Variants in PHF24 observed in about 807,000 individuals in gnomAD.
The protein encoded by PHF24 is Galpha inhibitory interacting protein.
A neutral mutation model predicts 42.6 loss-of-function variants in PHF24; 25 were observed. The ratio of observed to expected loss-of-function variants is 0.59; its 90% CI spans 0.43 to 0.82. The LOEUF is 0.82. Ranked by LOEUF, PHF24 falls within the 40% of genes least tolerant of loss-of-function variation. The probability of loss-of-function intolerance (pLI) is 0.00; values close to 1 mark genes in which losing one functional copy is unlikely to be tolerated. For missense variants in PHF24, 470 were observed against 538.1 expected (o/e 0.87, Z 1.25); for synonymous variants, 185 against 204.8 (o/e 0.90, Z 0.83).
chr9:34,920,970 C>G, the PHF24 span, among the ~76,000 whole-genome samples: 2 of 152,054 alleles, frequency 1.3e-5, no homozygotes, highest in Admixed American at 1.3e-4. Flanking sequence ...TTTTTCCTTT[C>G]TTTGGGTGCC....
chr9:34,857,509 G>T, the PHF24 span, among the ~76,000 whole-genome samples: 1 of 152,152 alleles, frequency 6.6e-6, no homozygotes, highest in Admixed American at 6.5e-5. Flanking sequence ...CCCAGGCAGG[G>T]TCACACAATC....
chr9:34,872,134 T>C, the PHF24 span, among the ~76,000 whole-genome samples: 1 of 152,074 alleles, frequency 6.6e-6, no homozygotes, highest in Non-Finnish European at 1.5e-5. Context: ...TTTATACCTA[T>C]GTATTTCTTT....
chr9:34,965,607 G>T (rs1330674687), intron 1 of PHF24, among the ~76,000 whole-genome samples: 1 of 152,244 alleles, frequency 6.6e-6, no homozygotes, highest in Non-Finnish European at 1.5e-5. Flanking sequence ...CAATGACATA[G>T]TTGACCATGG....
chr9:34,865,195 A>C, the PHF24 span, among the ~76,000 whole-genome samples: 2 of 104,870 alleles, frequency 1.9e-5, no homozygotes, highest in Admixed American at 2.1e-4. Context: ...AGTTTTTATT[A>C]GTTTTTTTTT....
chr9:34,801,502 C>T, the PHF24 span, among the ~76,000 whole-genome samples: 26 of 152,082 alleles, frequency 1.7e-4, no homozygotes, highest in Non-Finnish European at 3.2e-4. Flanking sequence ...CTGAGGTGGG[C>T]GGATCACGAG....
At chr9:34,980,875 T>G (rs1359165800) in exon 8 of PHF24, 2 of 152,232 alleles carry the variant, frequency 1.3e-5, no homozygotes, top group African/African-American at 4.8e-5. Context: ...CCACTTGCCC[T>G]AAGCATTTTT....
chr9:34,682,639 A>G, the PHF24 span, among the ~76,000 whole-genome samples: 2 of 152,072 alleles, frequency 1.3e-5, no homozygotes, highest in Non-Finnish European at 2.9e-5. Context: ...GAAACTTCCT[A>G]TTATATTACT....
chr9:34,665,916 T>G, the PHF24 span: 1 of 545,506 alleles, frequency 1.8e-6, no homozygotes, highest in South Asian at 2.1e-5. Context: ...GCGAGAGGTT[T>G]GGCGGTCATG....
At chr9:34,676,832 A>G in the PHF24 span, among the ~76,000 whole-genome samples, 1 of 152,230 alleles carries the variant, frequency 6.6e-6, no homozygotes, top group South Asian at 2.1e-4. Flanking sequence ...AAACAGAGGG[A>G]GATGCCACAC....
At chr9:34,896,817 G>A in the PHF24 span, among the ~76,000 whole-genome samples, 2 of 151,986 alleles carry the variant, frequency 1.3e-5, no homozygotes, top group African/African-American at 4.8e-5. Flanking sequence ...GAGTTTCCTT[G>A]AGAAGTTCTT....
At chr9:34,805,317 C>A in the PHF24 span, among the ~76,000 whole-genome samples, 1 of 152,214 alleles carries the variant, frequency 6.6e-6, no homozygotes, top group Admixed American at 6.5e-5. Context: ...ATTTTACATT[C>A]TCATCAGCAA....
At chr9:34,676,986 C>T in the PHF24 span, among the ~76,000 whole-genome samples, 5 of 152,316 alleles carry the variant, frequency 3.3e-5, no homozygotes, top group East Asian at 3.9e-4. Context: ...CTGGGGATGA[C>T]GCTTCAACAT....
At chr9:34,799,371 G>A in the PHF24 span, among the ~76,000 whole-genome samples, 1 of 152,168 alleles carries the variant, frequency 6.6e-6, no homozygotes, top group Non-Finnish European at 1.5e-5. Context: ...TAATGCCTTT[G>A]TCATAGGGTT....
the PHF24 span, among the ~76,000 whole-genome samples, chr9:34,771,299 G>A: frequency 1.3e-5 from 2 of 152,296 alleles, no homozygotes. Context: ...GTAGTCTATT[G>A]CTGCTAGGCT....
At chr9:34,967,279 T>G (rs1307279084) in intron 1 of PHF24, among the ~76,000 whole-genome samples, 1 of 152,186 alleles carries the variant, frequency 6.6e-6, no homozygotes, top group Non-Finnish European at 1.5e-5. Context: ...CAGATTTAAA[T>G]CCATTAGTAG....
the PHF24 span, among the ~76,000 whole-genome samples, chr9:34,945,514 T>G: frequency 6.6e-6 from 1 of 152,170 alleles, no homozygotes; most frequent in African/African-American, 2.4e-5. Context: ...GAATGTCCCT[T>G]CCAAAACCCA....
chr9:34,823,649 G>C, the PHF24 span, among the ~76,000 whole-genome samples: 26 of 152,074 alleles, frequency 1.7e-4, no homozygotes, highest in African/African-American at 5.8e-4. Context: ...CCAAAGGAAA[G>C]GGGGGAAGCT....
At chr9:34,943,580 G>A in the PHF24 span, among the ~76,000 whole-genome samples, 1 of 152,072 alleles carries the variant, frequency 6.6e-6, no homozygotes, top group Non-Finnish European at 1.5e-5. Context: ...TCCTCCAAAT[G>A]TCTAGGTATT....
At chr9:34,845,653 G>C in the PHF24 span, among the ~76,000 whole-genome samples, 5 of 151,522 alleles carry the variant, frequency 3.3e-5, no homozygotes, top group African/African-American at 1.2e-4. Context: ...CAATGTGCAG[G>C]TTAGTTACAT....
Sources: gnomAD v4.1 joint callset for allele counts (sites outside exome capture counted in the v4.1 genomes callset) on GRCh38, gnomAD v4.1.1 for gene constraint, MANE v1.5 for transcripts, NCBI Gene and HGNC (gene_info 2026-07-23, HGNC 2026-07-21) for gene names.